The following LOC102723971 variants were observed in gnomAD, a reference collection of about 807,000 sequenced individuals.
chr9:135,619,336 C>T, the LOC102723971 span, among the ~76,000 whole-genome samples: 30 of 152,268 alleles, frequency 2.0e-4, no homozygotes, highest in African/African-American at 7.0e-4. Flanking sequence ...AAAACTTATA[C>T]AATGAGTGGA....
At chr9:135,614,985 G>A in the LOC102723971 span, among the ~76,000 whole-genome samples, 1 of 152,318 alleles carries the variant, frequency 6.6e-6, no homozygotes, top group South Asian at 2.1e-4. Context: ...TGAGACAAGG[G>A]GACGGGAGGT....
chr9:135,617,329 C>G, the LOC102723971 span, among the ~76,000 whole-genome samples: 1 of 152,150 alleles, frequency 6.6e-6, no homozygotes, highest in South Asian at 2.1e-4. Flanking sequence ...TGAGAAAACA[C>G]CTTCCTTGTC....
chr9:135,614,221 C>T, the LOC102723971 span: 1 of 398,476 alleles, frequency 2.5e-6, no homozygotes, highest in East Asian at 3.6e-5. Context: ...GCTAGGGACG[C>T]TCCCCCTTCC....
At chr9:135,619,421 G>A in the LOC102723971 span, among the ~76,000 whole-genome samples, 3 of 152,006 alleles carry the variant, frequency 2.0e-5, no homozygotes, top group African/African-American at 4.8e-5. Flanking sequence ...TGTCCTTCAG[G>A]AACATGACCC....
the LOC102723971 span, chr9:135,617,875 G>A: frequency 3.8e-5 from 15 of 397,884 alleles, no homozygotes; most frequent in East Asian, 1.4e-4. Flanking sequence ...GTTGTTCTCC[G>A]CAGAGGAGGA....
chr9:135,618,832 A>G, the LOC102723971 span: 1 of 398,268 alleles, frequency 2.5e-6, no homozygotes, highest in Non-Finnish European at 4.4e-6. Context: ...CCAGTGAGGG[A>G]TGGCTGTTTT....
the LOC102723971 span, among the ~76,000 whole-genome samples, chr9:135,616,306 T>C: frequency 6.6e-6 from 1 of 152,142 alleles, no homozygotes; most frequent in Non-Finnish European, 1.5e-5. Flanking sequence ...CTTGGTGTCA[T>C]CCCAGAAGTG....
chr9:135,618,212 A>C, the LOC102723971 span, among the ~76,000 whole-genome samples: 1 of 152,176 alleles, frequency 6.6e-6, no homozygotes. Context: ...TACCAGCCCC[A>C]CATGACACAG....
chr9:135,619,438 G>A, the LOC102723971 span, among the ~76,000 whole-genome samples: 4 of 152,050 alleles, frequency 2.6e-5, no homozygotes, highest in Non-Finnish European at 5.9e-5. Flanking sequence ...ACCCCACGGA[G>A]GCTGTTCTCA....
chr9:135,617,692 C>T, the LOC102723971 span, among the ~76,000 whole-genome samples: 5 of 152,116 alleles, frequency 3.3e-5, no homozygotes, highest in Admixed American at 6.5e-5. Flanking sequence ...ATTTTACCTG[C>T]CGTGCTCAGA....
At chr9:135,615,332 C>T in the LOC102723971 span, 1 of 398,398 alleles carries the variant, frequency 2.5e-6, no homozygotes, top group Non-Finnish European at 4.4e-6. Context: ...CGCTAGCTGG[C>T]CTCCTCTGCC....
the LOC102723971 span, chr9:135,617,865 G>A: frequency 1.5e-3 from 579 of 397,660 alleles, no homozygotes; most frequent in Non-Finnish European, 2.3e-3. Flanking sequence ...CTGCCTCCCC[G>A]TTGTTCTCCG....
chr9:135,617,794 C>T, the LOC102723971 span, among the ~76,000 whole-genome samples: 2 of 152,090 alleles, frequency 1.3e-5, no homozygotes, highest in Non-Finnish European at 2.9e-5. Flanking sequence ...TGCCGTGGTC[C>T]GAAGAGCCCC....
chr9:135,614,299 C>T, the LOC102723971 span: 1 of 398,802 alleles, frequency 2.5e-6, no homozygotes, highest in Non-Finnish European at 4.4e-6. Flanking sequence ...TGGCGGGTGC[C>T]CAGAAGGCTC....
the LOC102723971 span, chr9:135,614,460 C>T: frequency 5.0e-6 from 2 of 396,444 alleles, no homozygotes; most frequent in Non-Finnish European, 8.9e-6. Context: ...GGGTTCAGAT[C>T]CTGCCTGACC....
the LOC102723971 span, among the ~76,000 whole-genome samples, chr9:135,617,343 C>T: frequency 1.3e-5 from 2 of 152,212 alleles, no homozygotes. Context: ...CCTTGTCTTC[C>T]TCCTTATCAA....
the LOC102723971 span, among the ~76,000 whole-genome samples, chr9:135,619,243 C>G: frequency 2.0e-5 from 3 of 152,210 alleles, no homozygotes; most frequent in Non-Finnish European, 2.9e-5. Flanking sequence ...CCCAGCCTGG[C>G]CTGTGGGCCT....
chr9:135,615,425 G>A, the LOC102723971 span: 7 of 398,708 alleles, frequency 1.8e-5, no homozygotes, highest in African/African-American at 1.2e-4. Flanking sequence ...CTCCCCGGCC[G>A]ACCCCCTGAG....
At chr9:135,617,234 T>G in the LOC102723971 span, among the ~76,000 whole-genome samples, 2 of 152,042 alleles carry the variant, frequency 1.3e-5, no homozygotes, top group Non-Finnish European at 2.9e-5. Context: ...GGTGTCCCCA[T>G]GCAGGACGTG....
Sources: gnomAD v4.1 joint callset for allele counts (sites outside exome capture counted in the v4.1 genomes callset) on GRCh38, gnomAD v4.1.1 for gene constraint, MANE v1.5 for transcripts.